ASIC2: variants seen among roughly 807,000 people sequenced by gnomAD.
ASIC2 encodes acid-sensing ion channel 2.
ASIC2 carries 25 observed loss-of-function variants against 57.3 expected under a neutral mutation model. The observed-to-expected ratio is 0.44, with a 90% CI of 0.32 to 0.61. The LOEUF is 0.61. Ranked by LOEUF, ASIC2 falls within the 20% of genes least tolerant of loss-of-function variation. ASIC2 has a pLI of 0.06. For missense variants in ASIC2, 641 were observed against 738.1 expected (o/e 0.87, Z 1.52); for synonymous variants, 319 against 307.5 (o/e 1.04, Z -0.39).
At chr17:33,053,193 CTTTA>C (rs1054476713) in intron 3 of ASIC2, among the ~76,000 whole-genome samples, 9 of 152,186 alleles carry the variant, frequency 5.9e-5, no homozygotes, top group Non-Finnish European at 1.2e-4. Context: ...GTAAACAATA[CTTTA>C]TTTAACAGAA....
At chr17:33,285,866 G>A (rs753199046) in intron 1 of ASIC2, among the ~76,000 whole-genome samples, 6 of 152,210 alleles carry the variant, frequency 3.9e-5, no homozygotes, top group Non-Finnish European at 7.3e-5. Flanking sequence ...CCCAGCCAGA[G>A]TCTGGCACAT....
intron 1 of ASIC2, among the ~76,000 whole-genome samples, chr17:33,671,410 T>C (rs1209341592): frequency 6.6e-6 from 1 of 152,218 alleles, no homozygotes; most frequent in African/African-American, 2.4e-5. Flanking sequence ...CTTCATCTTA[T>C]TAGCTCTGCC....
At chr17:34,105,185 T>C (rs1013050060) in intron 1 of ASIC2, among the ~76,000 whole-genome samples, 4 of 152,064 alleles carry the variant, frequency 2.6e-5, no homozygotes, top group African/African-American at 9.6e-5. Context: ...AGTTGGTCAG[T>C]TGACTCAAGG....
At chr17:33,433,235 T>A (rs1321018769) in intron 1 of ASIC2, among the ~76,000 whole-genome samples, 2 of 152,056 alleles carry the variant, frequency 1.3e-5, no homozygotes, top group Non-Finnish European at 1.5e-5. Context: ...AAAAATGAGA[T>A]CATGTCCTTT....
chr17:33,757,316 G>A (rs902566), intron 1 of ASIC2, among the ~76,000 whole-genome samples: 12 of 151,920 alleles, frequency 7.9e-5, no homozygotes, highest in Non-Finnish European at 1.3e-4. Flanking sequence ...ATTCTCCTGC[G>A]GGACAAAAGG....
In ASIC2 at chr17:33,706,204, CATATATATATATAT is replaced by C. The variant is rs3030213; in HGVS notation, c.555+449760_555+449773del. 3.6e-5 allele frequency among the ~76,000 whole-genome samples: 5 copies of C among 140,766 alleles called. No homozygotes were observed. The Admixed American group carries it at 3.6e-4, about 10-fold the overall frequency. The allele number at this position is 140,766 out of a possible 152,430, so 92.3% of individuals were successfully genotyped here. On this transcript the variant is annotated intron_variant, in intron 1 of 9. Transcript: ENST00000359872. ...TGTGTATGACTATACATATATGATT[CATATATATATATAT>C]ATATATATATATGTATATTTTTGAG...
intron 1 of ASIC2, among the ~76,000 whole-genome samples, chr17:33,999,029 A>G (rs1285557146): frequency 2.0e-5 from 3 of 152,074 alleles, no homozygotes; most frequent in African/African-American, 4.8e-5. Context: ...TCCTTCATAT[A>G]TTTAGGTGTT....
intron 1 of ASIC2, among the ~76,000 whole-genome samples, chr17:33,613,655 C>T (rs1383433792): frequency 6.6e-6 from 1 of 152,168 alleles, no homozygotes; most frequent in Admixed American, 6.5e-5. Context: ...GCGTGAGCCA[C>T]CGCGCCTGGC....
At chr17:33,150,617 AG>A (rs1308806829) in intron 1 of ASIC2, among the ~76,000 whole-genome samples, 1 of 151,750 alleles carries the variant, frequency 6.6e-6, no homozygotes, top group South Asian at 2.1e-4. Context: ...TGGGAGGCTG[AG>A]GGGGTGGATC....
At chr17:33,824,168 G>C (rs985703882) in intron 1 of ASIC2, among the ~76,000 whole-genome samples, 1 of 152,142 alleles carries the variant, frequency 6.6e-6, no homozygotes, top group Non-Finnish European at 1.5e-5. Flanking sequence ...ACTCCAAACA[G>C]ACTACCTGAG....
At chr17:33,871,568 C>G (rs1914409495) in intron 1 of ASIC2, among the ~76,000 whole-genome samples, 1 of 152,126 alleles carries the variant, frequency 6.6e-6, no homozygotes, top group Non-Finnish European at 1.5e-5. Context: ...AGCATATACC[C>G]TTGTCTTGCT....
At chr17:33,321,825 C>T (rs559725604) in intron 1 of ASIC2, among the ~76,000 whole-genome samples, 12 of 152,292 alleles carry the variant, frequency 7.9e-5, no homozygotes, top group African/African-American at 2.9e-4. Context: ...AGCATGCTGC[C>T]AGCTTAACTA....
chr17:33,490,652 C>T (rs1178006130), intron 1 of ASIC2, among the ~76,000 whole-genome samples: 3 of 152,210 alleles, frequency 2.0e-5, no homozygotes, highest in Non-Finnish European at 4.4e-5. Context: ...TCTCTTTTGC[C>T]TTCCGCCCTG....
chr17:33,697,739 A>T (rs945789506), intron 1 of ASIC2, among the ~76,000 whole-genome samples: 2 of 152,140 alleles, frequency 1.3e-5, no homozygotes. Flanking sequence ...CCACCCAATG[A>T]CCTATGATTC....
intron 1 of ASIC2, among the ~76,000 whole-genome samples, chr17:33,720,425 A>C (rs1000304120): frequency 1.6e-4 from 25 of 152,356 alleles, no homozygotes; most frequent in African/African-American, 6.0e-4. Context: ...TGTAAAAGGC[A>C]GAGTGGGTAT....
intron 1 of ASIC2, among the ~76,000 whole-genome samples, chr17:34,153,531 C>G (rs1160281205): frequency 6.6e-6 from 1 of 152,182 alleles, no homozygotes; most frequent in African/African-American, 2.4e-5. Flanking sequence ...GAGGAGTACT[C>G]CTCACTACAA....
chr17:33,046,171 T>C, intron 3 of ASIC2, among the ~76,000 whole-genome samples: 1 of 152,170 alleles, frequency 6.6e-6, no homozygotes, highest in East Asian at 1.9e-4. Flanking sequence ...GACATTTACA[T>C]GGCAATGGAG....
At chr17:33,592,591 C>G (rs1361977129) in intron 1 of ASIC2, among the ~76,000 whole-genome samples, 1 of 152,248 alleles carries the variant, frequency 6.6e-6, no homozygotes, top group Non-Finnish European at 1.5e-5. Context: ...GCTTCTCCAA[C>G]AATCTTGGAA....
chr17:33,233,797 TAAAC>T (rs1461130046), intron 1 of ASIC2, among the ~76,000 whole-genome samples: 2 of 151,850 alleles, frequency 1.3e-5, no homozygotes, highest in African/African-American at 4.8e-5. Flanking sequence ...CACAGACACA[TAAAC>T]AGACACACAC....
Sources: allele counts gnomAD v4.1 joint callset (sites outside exome capture counted in the v4.1 genomes callset), GRCh38; gene constraint gnomAD v4.1.1; transcripts MANE v1.5; gene names NCBI Gene and HGNC (gene_info 2026-07-23, HGNC 2026-07-21).